NF2: variants seen among roughly 807,000 people sequenced by gnomAD.
NF2 encodes merlin.
Under a neutral mutation model 83.7 loss-of-function variants are expected in NF2, and 8 were observed. That is an observed-to-expected ratio of 0.10 (90% confidence interval 0.06 to 0.17). NF2 has a LOEUF of 0.17. Among genes scored for constraint, NF2 ranks in the 10% least tolerant of loss-of-function variants. The pLI is 1.00. For missense variants in NF2, 533 were observed against 744.4 expected (o/e 0.72, Z 3.31); for synonymous variants, 266 against 269.6 (o/e 0.99, Z 0.13).
intron 1 of NF2, among the ~76,000 whole-genome samples, chr22:29,617,076 G>T (rs959105486): frequency 6.6e-6 from 1 of 152,028 alleles, no homozygotes; most frequent in African/African-American, 2.4e-5. Context: ...TTACAGGCAT[G>T]TGCCACCATG....
intron 1 of NF2, among the ~76,000 whole-genome samples, chr22:29,614,339 G>A (rs1282726473): frequency 1.3e-5 from 2 of 151,984 alleles, no homozygotes; most frequent in Non-Finnish European, 2.9e-5. Flanking sequence ...AGCACTTCGG[G>A]AGGCCGAGGT....
intron 14 of NF2, among the ~76,000 whole-genome samples, chr22:29,680,259 A>AT (rs2067090837): frequency 6.6e-6 from 1 of 152,074 alleles, no homozygotes; most frequent in Non-Finnish European, 1.5e-5. Flanking sequence ...TTACAGGCGC[A>AT]TGCTATCACG....
At chr22:29,669,092 G>A (rs1185763128) in intron 10 of NF2, among the ~76,000 whole-genome samples, 2 of 152,244 alleles carry the variant, frequency 1.3e-5, no homozygotes, top group African/African-American at 2.4e-5. Context: ...AGCAGCAGCT[G>A]CAGTTGGCTG....
chr22:29,648,366 A>T (rs1414925965), intron 4 of NF2, among the ~76,000 whole-genome samples: 1 of 152,216 alleles, frequency 6.6e-6, no homozygotes, highest in Non-Finnish European at 1.5e-5. Context: ...GGTAATCAAG[A>T]AAAAGAAAAA....
At chr22:29,608,593 C>T (rs2064866582) in intron 1 of NF2, among the ~76,000 whole-genome samples, 1 of 148,070 alleles carries the variant, frequency 6.8e-6, no homozygotes, top group Admixed American at 6.8e-5. Flanking sequence ...TGCTTGAACC[C>T]GGGAGGCGGA....
intron 4 of NF2, among the ~76,000 whole-genome samples, chr22:29,645,800 G>A (rs2065968126): frequency 1.3e-5 from 2 of 152,152 alleles, no homozygotes; most frequent in South Asian, 4.1e-4. Flanking sequence ...GCTTAAACAG[G>A]TTTCACTGTA....
intron 1 of NF2, among the ~76,000 whole-genome samples, chr22:29,635,096 T>G (rs142295336): frequency 6.6e-5 from 10 of 152,256 alleles, no homozygotes; most frequent in African/African-American, 2.4e-4. Flanking sequence ...GGTCCTGATA[T>G]TCTTCCATCT....
In NF2 at chr22:29,661,265, C is replaced by T. The variant is rs1569297802; in HGVS notation, c.736C>T (p.Pro246Ser). ...VDALGLHIYD[P>S]ENRLTPKISF... ...TGCCCTGGGGCTTCACATTTATGAC[C>T]CTGAGAACAGACTGACCCCCAAGAT... Residue 246 changes from proline (P) to serine (S), a missense_variant, in exon 8 of 16, where the codon CCT becomes TCT. Physicochemically the swap from Pro to Ser is moderately conservative, Grantham distance 74. This residue lies in a region of NF2 where 326 missense variants were observed against 475.1 expected (regional missense o/e 0.69). Coordinates refer to ENST00000338641, the MANE Select transcript of NF2 (RefSeq NM_000268.4). 1.9e-6 allele frequency: 3 copies of T among 1,614,202 alleles called. No homozygotes were observed. The highest frequency in any genetic ancestry group is 2.5e-6 in the Non-Finnish European group (3 of 1,180,038).
intron 1 of NF2, among the ~76,000 whole-genome samples, chr22:29,621,728 C>T (rs1245010326): frequency 6.6e-6 from 1 of 152,048 alleles, no homozygotes; most frequent in African/African-American, 2.4e-5. Flanking sequence ...CAGTGCCTGT[C>T]GTTAGCTTGC....
At chr22:29,630,626 T>A (rs983188579) in intron 1 of NF2, among the ~76,000 whole-genome samples, 12 of 152,220 alleles carry the variant, frequency 7.9e-5, no homozygotes, top group Admixed American at 3.9e-4. Flanking sequence ...TCCACATTTG[T>A]GCTCCTTTCT....
intron 15 of NF2, among the ~76,000 whole-genome samples, chr22:29,685,175 T>C (rs559825012): frequency 3.3e-5 from 5 of 151,998 alleles, no homozygotes; most frequent in African/African-American, 1.2e-4. Context: ...TGGTACATTC[T>C]CGGCTCACTG....
At chr22:29,654,542 A>G (rs1325458857) in intron 4 of NF2, 115 bp from the exon 5 acceptor site, 1 of 846,900 alleles carries the variant, frequency 1.2e-6, no homozygotes, top group Non-Finnish European at 2.0e-6. Flanking sequence ...TTGACTTGTC[A>G]TCGGAATTGA....
chr22:29,630,442 T>C (rs1404928250), intron 1 of NF2, among the ~76,000 whole-genome samples: 1 of 152,208 alleles, frequency 6.6e-6, no homozygotes, highest in Non-Finnish European at 1.5e-5. Flanking sequence ...CATCTATCCA[T>C]GATATAGGCA....
At position 29,658,345 on chromosome 22, in the gene NF2, C is replaced by A; in HGVS notation, c.675+81C>A. The A allele has an allele frequency of 7.6e-6, 9 of 1,186,540 alleles. No homozygotes were observed. In the South Asian group the frequency reaches 1.1e-4, roughly 15 times the overall value. The allele number at this position is 1,186,540 out of a possible 1,614,324, so 73.5% of individuals were successfully genotyped here. A position where few individuals can be genotyped will look rare whatever the true frequency, so the allele number is the denominator to read the frequency against. On this transcript the variant is annotated intron_variant, in intron 7 of 15. Transcript: ENST00000338641. The stretch of plus-strand genomic sequence containing the variant: ...CAGACTGCTAAAATGGTTACTTCTT[C>A]ATTCCAAGGCGATAGACTCTTTTAT...
chr22:29,674,787 T>C (rs2147091097), intron 12 of NF2, 49 bp from the exon 13 acceptor site: 1 of 1,523,528 alleles, frequency 6.6e-7, no homozygotes, highest in African/African-American at 1.4e-5. Context: ...TGTCTTTTCC[T>C]GCTACCTGCC....
At chr22:29,682,671 G>T (rs1220421948) in intron 15 of NF2, among the ~76,000 whole-genome samples, 1 of 152,172 alleles carries the variant, frequency 6.6e-6, no homozygotes, top group Non-Finnish European at 1.5e-5. Flanking sequence ...GGAGTTCAAG[G>T]GAGGCCTCGG....
Position 29,648,551 on chromosome 22 carries a change from C to T in NF2, c.448-6106C>T, listed in dbSNP as rs188156077. Reference sequence around the variant, plus strand: ...GTGAGGAGACACACCGCTGGCTGTTCCAGGTGGCTACTCCAGAGGAATCTC... The same window carrying T: ...GTGAGGAGACACACCGCTGGCTGTTTCAGGTGGCTACTCCAGAGGAATCTC... On this transcript the variant is annotated intron_variant, in intron 4 of 15. Coordinates refer to ENST00000338641, the MANE Select transcript of NF2 (RefSeq NM_000268.4). Among the ~76,000 whole-genome samples, 32 of 152,324 alleles carry T rather than the reference C, an allele frequency of 2.1e-4. 1 individual carries two copies. Among genetic ancestry groups the T allele is most frequent in the African/African-American group, 7.2e-4 (30 of 41,576 alleles).
chr22:29,622,644 G>GTTTT (rs1272153540), intron 1 of NF2, among the ~76,000 whole-genome samples: 1 of 98,610 alleles, frequency 1.0e-5, no homozygotes, highest in Non-Finnish European at 2.1e-5. Flanking sequence ...GGAAGACCCT[G>GTTTT]TATTTTTTTT....
chr22:29,609,200 T>C (rs372275980), intron 1 of NF2: 1 of 738,544 alleles, frequency 1.4e-6, no homozygotes, highest in Non-Finnish European at 2.5e-6. Flanking sequence ...AGTTCAGTAT[T>C]TGGCACCATG....
Sources: gnomAD v4.1 joint callset for allele counts (sites outside exome capture counted in the v4.1 genomes callset) on GRCh38, gnomAD v4.1.1 for gene constraint, gnomAD v4.1.1 regional missense constraint, MANE v1.5 for transcripts, NCBI Gene and HGNC (gene_info 2026-07-23, HGNC 2026-07-21) for gene names.